Variants in IMMP2L observed in about 807,000 individuals in gnomAD.
The protein encoded by IMMP2L is inner mitochondrial membrane peptidase subunit 2.
Under a neutral mutation model 19.3 loss-of-function variants are expected in IMMP2L, and 18 were observed. The ratio of observed to expected loss-of-function variants is 0.93; its 90% confidence interval spans 0.64 to 1.38. The LOEUF (loss-of-function observed/expected upper bound fraction) is 1.38. Among genes scored for constraint, IMMP2L ranks in the 40% most tolerant of loss-of-function variants. IMMP2L has a pLI of 0.00. For missense variants in IMMP2L, 233 were observed against 218.2 expected (o/e 1.07, Z -0.43); for synonymous variants, 76 against 73.0 (o/e 1.04, Z -0.21).
intron 3 of IMMP2L, among the ~76,000 whole-genome samples, chr7:111,186,144 A>T (rs920085136): frequency 2.6e-5 from 4 of 152,174 alleles, no homozygotes; most frequent in African/African-American, 9.7e-5. Flanking sequence ...GCATCTAAAA[A>T]TGTATTCTGA....
At chr7:111,426,347 A>G (rs1034913048) in intron 3 of IMMP2L, among the ~76,000 whole-genome samples, 2 of 151,298 alleles carry the variant, frequency 1.3e-5, no homozygotes, top group African/African-American at 4.9e-5. Context: ...TCACAGCAAC[A>G]TGTATTTCAT....
chr7:110,880,504 T>G (rs1385369923), intron 5 of IMMP2L, among the ~76,000 whole-genome samples: 1 of 152,116 alleles, frequency 6.6e-6, no homozygotes, highest in Non-Finnish European at 1.5e-5. Flanking sequence ...CATCAAATAT[T>G]TTATAAGTAT....
At chr7:111,420,180 T>C (rs1835352852) in intron 3 of IMMP2L, among the ~76,000 whole-genome samples, 1 of 151,860 alleles carries the variant, frequency 6.6e-6, no homozygotes, top group Non-Finnish European at 1.5e-5. Flanking sequence ...TCAGCCTGAA[T>C]TGAAAAGTGC....
At chr7:111,052,567 T>C (rs533751265) in intron 3 of IMMP2L, among the ~76,000 whole-genome samples, 1 of 152,314 alleles carries the variant, frequency 6.6e-6, no homozygotes, top group South Asian at 2.1e-4. Flanking sequence ...TATACCTTAC[T>C]GTATTGATTT....
rs1200073116 is a variant in IMMP2L at position 110,812,912 on chromosome 7, G to T, written c.408+73681C>A. 2.0e-5 allele frequency among the ~76,000 whole-genome samples: 3 copies of T among 151,914 alleles called. No homozygotes were observed. The East Asian group carries it at 5.8e-4, about 29-fold the overall frequency. On this transcript the variant is annotated intron_variant, in intron 5 of 5. Coordinates refer to ENST00000405709, the MANE Select transcript of IMMP2L (RefSeq NM_032549.4). ...GGCAAATCAAGCAAATGCCAAGTCTGTTTTTATTAAAATATACATACATTC... is the reference window on the plus strand; with the variant it reads ...GGCAAATCAAGCAAATGCCAAGTCTTTTTTTATTAAAATATACATACATTC...
rs559189506 is a variant in IMMP2L at position 111,452,987 on chromosome 7, G to A, written c.239+34251C>T. Among the ~76,000 whole-genome samples, 135 of 152,220 alleles carry A rather than the reference G, an allele frequency of 8.9e-4. 1 individual carries two copies. The highest frequency in any genetic ancestry group is 5.6e-3 in the South Asian group (27 of 4,828). ...TACCTAGAACAGTGTCTGACACATA[G>A]TAGGAGCTCTACTGAATAAATAAAC... On this transcript the variant is annotated intron_variant, in intron 3 of 5. Coordinates refer to ENST00000405709, the MANE Select transcript of IMMP2L (RefSeq NM_032549.4).
At chr7:111,146,442 G>T (rs1211228346) in intron 3 of IMMP2L, among the ~76,000 whole-genome samples, 1 of 151,978 alleles carries the variant, frequency 6.6e-6, no homozygotes, top group Non-Finnish European at 1.5e-5. Flanking sequence ...CATACTTATA[G>T]GGAGTACAGA....
chr7:111,556,521 C>T (rs137904626), intron 1 of IMMP2L, among the ~76,000 whole-genome samples: 2 of 151,990 alleles, frequency 1.3e-5, no homozygotes, highest in Non-Finnish European at 2.9e-5. Context: ...TGTCCAGCCC[C>T]CTTCAGCCTC....
intron 3 of IMMP2L, among the ~76,000 whole-genome samples, chr7:111,255,400 G>C (rs1816593187): frequency 6.6e-6 from 1 of 151,814 alleles, no homozygotes; most frequent in Non-Finnish European, 1.5e-5. Flanking sequence ...GAGAAAGGAG[G>C]GTGATGATCA....
At chr7:111,253,475 A>G (rs1816364787) in intron 3 of IMMP2L, among the ~76,000 whole-genome samples, 1 of 152,144 alleles carries the variant, frequency 6.6e-6, no homozygotes, top group African/African-American at 2.4e-5. Context: ...TTCAGGTAAC[A>G]TGACATACAA....
chr7:111,278,451 T>G (rs37746), intron 3 of IMMP2L, among the ~76,000 whole-genome samples: 1 of 151,852 alleles, frequency 6.6e-6, no homozygotes, highest in Non-Finnish European at 1.5e-5. Context: ...ACTTTTATTG[T>G]CAAAAAAACA....
chr7:111,205,666 T>C (rs994481901), intron 3 of IMMP2L, among the ~76,000 whole-genome samples: 1 of 151,890 alleles, frequency 6.6e-6, no homozygotes, highest in Non-Finnish European at 1.5e-5. Flanking sequence ...ACAAAAAATA[T>C]AGGAGATTTA....
intron 3 of IMMP2L, among the ~76,000 whole-genome samples, chr7:111,064,748 G>A (rs1450709335): frequency 6.6e-6 from 1 of 152,130 alleles, no homozygotes; most frequent in Non-Finnish European, 1.5e-5. Flanking sequence ...CTACCTTTAA[G>A]TCAACAGGCT....
At chr7:110,696,430 T>G (rs1793886635) in intron 5 of IMMP2L, among the ~76,000 whole-genome samples, 1 of 147,298 alleles carries the variant, frequency 6.8e-6, no homozygotes, top group African/African-American at 2.5e-5. Context: ...TTTCTCTTTT[T>G]TTTTTTTTTT....
At position 111,026,442 on chromosome 7, in the gene IMMP2L, A is replaced by C. The variant is rs75421394; in HGVS notation, c.240-62877T>G. On this transcript the variant is annotated intron_variant, in intron 3 of 5. Coordinates refer to ENST00000405709, the MANE Select transcript of IMMP2L (RefSeq NM_032549.4). ...GTGATGTTGACATAAAGATCAAACT[A>C]TTTGCCCTCAAATGCCATTATGAGT... 1.9e-4 allele frequency among the ~76,000 whole-genome samples: 29 copies of C among 152,178 alleles called. No individual in the cohort carries two copies. In the East Asian group the frequency reaches 5.2e-3, roughly 27 times the overall value.
intron 4 of IMMP2L, among the ~76,000 whole-genome samples, chr7:110,921,743 C>T (rs1028014933): frequency 6.6e-6 from 1 of 152,158 alleles, no homozygotes; most frequent in Non-Finnish European, 1.5e-5. Context: ...ATGTGCTTAA[C>T]TACCCATGGC....
At chr7:111,540,800 T>C (rs1848444869) in intron 1 of IMMP2L, among the ~76,000 whole-genome samples, 1 of 152,200 alleles carries the variant, frequency 6.6e-6, no homozygotes, top group African/African-American at 2.4e-5. Flanking sequence ...AGATATGGTT[T>C]ATATTACCAC....
intron 3 of IMMP2L, among the ~76,000 whole-genome samples, chr7:111,183,598 C>G (rs1807950577): frequency 6.6e-6 from 1 of 152,162 alleles, no homozygotes; most frequent in Non-Finnish European, 1.5e-5. Context: ...TTAACTGGGA[C>G]AAGGAGAAGC....
intron 3 of IMMP2L, among the ~76,000 whole-genome samples, chr7:110,971,404 G>T (rs1222772580): frequency 2.6e-5 from 4 of 152,120 alleles, no homozygotes; most frequent in Non-Finnish European, 5.9e-5. Flanking sequence ...AGACACTTCA[G>T]TGGTTGCCAG....
Sources: gnomAD v4.1 joint callset for allele counts (sites outside exome capture counted in the v4.1 genomes callset) on GRCh38, gnomAD v4.1.1 for gene constraint, MANE v1.5 for transcripts, NCBI Gene and HGNC (gene_info 2026-07-23, HGNC 2026-07-21) for gene names.